Variants in SLC14A2 observed in about 807,000 individuals in gnomAD.
SLC14A2 encodes solute carrier family 14 member 2.
In SLC14A2, 91 loss-of-function variants were observed where a neutral mutation model predicts 104.6. That is an observed-to-expected ratio of 0.87 (90% CI 0.73 to 1.04). SLC14A2 has a LOEUF of 1.04. Ranked by LOEUF, SLC14A2 falls within the 50% of genes least tolerant of loss-of-function variation. The pLI, the probability that SLC14A2 is intolerant of heterozygous loss-of-function variation, is 0.00. For missense variants in SLC14A2, 1,189 were observed against 1,156.0 expected (o/e 1.03, Z -0.41); for synonymous variants, 476 against 466.4 (o/e 1.02, Z -0.27).
chr18:45,625,546 G>A (rs1568303533), intron 2 of SLC14A2, 137 bp from the exon 3 acceptor site: 1 of 610,296 alleles, frequency 1.6e-6, no homozygotes, highest in East Asian at 3.4e-5. Context: ...TGCAGCCGCA[G>A]ACAATGGGCA....
intron 1 of SLC14A2, among the ~76,000 whole-genome samples, chr18:45,261,724 C>T (rs1413323921): frequency 6.6e-6 from 1 of 152,160 alleles, no homozygotes; most frequent in African/African-American, 2.4e-5. Flanking sequence ...CATGTCCCTA[C>T]AAAGGACATG....
chr18:45,400,563 C>A (rs1240011072), intron 1 of SLC14A2, among the ~76,000 whole-genome samples: 1 of 152,178 alleles, frequency 6.6e-6, no homozygotes, highest in East Asian at 1.9e-4. Flanking sequence ...TTCCCCTTTG[C>A]ACTTACTAAA....
In SLC14A2 at chr18:45,260,143, G is replaced by A. The variant is rs61114871; in HGVS notation, c.-125+46952G>A. Among the ~76,000 whole-genome samples, 369 of 152,284 alleles carry A rather than the reference G, an allele frequency of 2.4e-3. 1 individual carries two copies. Among genetic ancestry groups the A allele is most frequent in the African/African-American group, 8.2e-3 (342 of 41,558 alleles). On this transcript the variant is annotated intron_variant, in intron 1 of 20. Coordinates refer to the SLC14A2 transcript ENST00000586448. ...CCTGAAGCAAAATCACGAAATAGGA[G>A]AACATTGGCTTTAGGACCTTATGAA...
chr18:45,203,948 C>T, the SLC14A2 span, among the ~76,000 whole-genome samples: 2 of 152,154 alleles, frequency 1.3e-5, no homozygotes, highest in East Asian at 3.9e-4. Context: ...GTGTTTAGTA[C>T]CACGATCTGA....
chr18:45,613,311 T>C (rs2045003721), upstream of SLC14A2, among the ~76,000 whole-genome samples: 2 of 152,156 alleles, frequency 1.3e-5, no homozygotes, highest in Admixed American at 6.5e-5. Flanking sequence ...TGTGAGCCAC[T>C]GCGCCTGGCC....
chr18:45,384,095 A>T (rs2085868068), intron 1 of SLC14A2, among the ~76,000 whole-genome samples: 1 of 152,228 alleles, frequency 6.6e-6, no homozygotes, highest in Non-Finnish European at 1.5e-5. Flanking sequence ...CATAGGCACT[A>T]CACAGGAAAA....
At chr18:45,605,535 A>T (rs145778761) in intron 2 of SLC14A2, among the ~76,000 whole-genome samples, 1 of 152,210 alleles carries the variant, frequency 6.6e-6, no homozygotes, top group Non-Finnish European at 1.5e-5. Flanking sequence ...TGATTGCGGT[A>T]AGAAGAATGG....
intron 1 of SLC14A2, among the ~76,000 whole-genome samples, chr18:45,479,838 A>G (rs1053729444): frequency 1.3e-5 from 2 of 152,196 alleles, no homozygotes; most frequent in Admixed American, 6.5e-5. Flanking sequence ...CAGGCCTCTG[A>G]GCCCCCAAAG....
At chr18:45,390,214 T>C (rs754391799) in intron 1 of SLC14A2, among the ~76,000 whole-genome samples, 8 of 152,166 alleles carry the variant, frequency 5.3e-5, no homozygotes, top group Non-Finnish European at 1.0e-4. Context: ...GGCTCTGATA[T>C]GTCCAGGTGG....
intron 2 of SLC14A2, among the ~76,000 whole-genome samples, chr18:45,575,886 G>A (rs1053148826): frequency 6.6e-6 from 1 of 150,384 alleles, no homozygotes; most frequent in Non-Finnish European, 1.5e-5. Context: ...AGTAGTTCTC[G>A]ATGTTTTCTT....
intron 2 of SLC14A2, 80 bp downstream of exon 2, chr18:45,624,894 C>A: frequency 7.0e-7 from 1 of 1,427,788 alleles, no homozygotes; most frequent in Middle Eastern, 1.9e-4. Flanking sequence ...GCTTTCCCAC[C>A]TTCCCAGTGA....
chr18:45,188,289 G>A, the SLC14A2 span, among the ~76,000 whole-genome samples: 3 of 152,242 alleles, frequency 2.0e-5, no homozygotes, highest in East Asian at 1.9e-4. Context: ...CTATTCTACT[G>A]ATGCTCTCAG....
intron 1 of SLC14A2, among the ~76,000 whole-genome samples, chr18:45,251,203 A>G (rs2084419732): frequency 6.6e-6 from 1 of 152,086 alleles, no homozygotes; most frequent in Admixed American, 6.5e-5. Context: ...CTGAGTCCCC[A>G]AAGTCCATTG....
chr18:45,263,373 A>G (rs1007976514), intron 1 of SLC14A2, among the ~76,000 whole-genome samples: 3 of 152,222 alleles, frequency 2.0e-5, no homozygotes, highest in African/African-American at 7.2e-5. Flanking sequence ...TACTGGTGAT[A>G]TTAACCTTTA....
chr18:45,650,009 G>A lies in SLC14A2; in HGVS notation c.1351+5849G>A, dbSNP rs146753573. 4.8e-3 allele frequency among the ~76,000 whole-genome samples: 725 copies of A among 152,262 alleles called. 1 individual carries two copies. Among genetic ancestry groups the A allele is most frequent in the African/African-American group, 0.016 (668 of 41,536 alleles). ...CTTAGCAACTTTTCTTCTAAGATTT[G>A]ATTATTGGTTTCCCTCCATCTCTTC... On this transcript the variant is annotated intron_variant, in intron 10 of 19. Transcript: ENST00000255226.
Position 45,682,658 on chromosome 18 carries a change from CACCATTCCAGA to C in SLC14A2, c.*143_*153del, listed in dbSNP as rs2046328718. 1 of 688,550 alleles carries C rather than the reference CACCATTCCAGA, an allele frequency of 1.5e-6. No homozygotes were observed. Among genetic ancestry groups the C allele is most frequent in the South Asian group, 1.7e-5 (1 of 58,822 alleles). 42.7% of individuals were successfully genotyped at this position (688,550 alleles called of 1,614,324 possible). ...AAACACAAAGAAGCGTGTATGTAGT[CACCATTCCAGA>C]ACCTCTCTTTTCTAAGATGCACAAC... is the stretch of plus-strand genomic sequence containing the variant. On this transcript the variant is annotated 3_prime_UTR_variant, in exon 20 of 20. Transcript: ENST00000255226.
intron 2 of SLC14A2, among the ~76,000 whole-genome samples, chr18:45,488,231 G>T (rs1424590168): frequency 6.6e-6 from 1 of 152,150 alleles, no homozygotes; most frequent in Non-Finnish European, 1.5e-5. Flanking sequence ...ATGGCAGAAT[G>T]ATGAGATTGG....
At chr18:45,176,696 A>AT in the SLC14A2 span, among the ~76,000 whole-genome samples, 2 of 151,996 alleles carry the variant, frequency 1.3e-5, no homozygotes, top group Non-Finnish European at 2.9e-5. Context: ...CCCTCTCCTG[A>AT]TTTTCTCTCT....
chr18:45,312,302 G>A (rs1399373961), intron 1 of SLC14A2, among the ~76,000 whole-genome samples: 2 of 151,932 alleles, frequency 1.3e-5, no homozygotes, highest in Non-Finnish European at 2.9e-5. Context: ...AGCAATATGA[G>A]AGACAATCAG....
Sources: allele counts gnomAD v4.1 joint callset (sites outside exome capture counted in the v4.1 genomes callset), GRCh38; gene constraint gnomAD v4.1.1; transcripts MANE v1.5; gene names NCBI Gene and HGNC (gene_info 2026-07-23, HGNC 2026-07-21).